Variants in TRIO observed in about 807,000 individuals in gnomAD.
TRIO encodes trio Rho guanine nucleotide exchange factor, also known as triple functional domain protein.
A neutral mutation model predicts 351.9 loss-of-function variants in TRIO; 58 were observed. The observed-to-expected ratio is 0.16, with a 90% CI of 0.13 to 0.21. The LOEUF (loss-of-function observed/expected upper bound fraction) is 0.21, where lower values mean the gene tolerates loss of function less well. TRIO is among the 10% of genes least tolerant of loss of function. The pLI is 1.00. For synonymous variants in TRIO, 1,758 were observed against 1,595.7 expected (o/e 1.10, Z -2.42); for missense variants, 3,201 against 4,027.8 (o/e 0.79, Z 5.56).
rs549806448 is a variant in TRIO at position 14,219,026 on chromosome 5, A to T, written c.158-51799A>T. On this transcript the variant is annotated intron_variant, in intron 1 of 56. Transcript: ENST00000344204. The stretch of plus-strand genomic sequence containing the variant: ...GCCTCGGTTTCTGATGCTGTCAGAG[A>T]CTTGGTCAAGGTGAAATCTGGTAGC... Among the ~76,000 whole-genome samples, 8 of 152,268 alleles carry T rather than the reference A, an allele frequency of 5.3e-5. No homozygotes were observed. The East Asian group carries it at 1.5e-3, about 29-fold the overall frequency.
intron 1 of TRIO, among the ~76,000 whole-genome samples, chr5:14,217,109 G>A (rs1792274005): frequency 6.6e-6 from 1 of 152,196 alleles, no homozygotes; most frequent in Non-Finnish European, 1.5e-5. Context: ...CGAGTTCTCT[G>A]ATCACCGGTC....
At position 14,290,847 on chromosome 5, in the gene TRIO, T is replaced by A; in HGVS notation, c.672T>A (p.Ile224=). Residue 224 remains isoleucine (I), a synonymous_variant, in exon 5 of 57, where the codon ATT becomes ATA. Coordinates refer to ENST00000344204, the MANE Select transcript of TRIO (RefSeq NM_007118.4). The part of the protein sequence containing the change: ...IEIRVAFEDY[I]SNATHMLSRL... ...TCAGAGTTGCTTTTGAAGACTACAT[T>A]AGCAATGCCACCCACATGCTGTCTC... 6.2e-7 allele frequency: 1 copy of A among 1,614,126 alleles called. No homozygotes were observed. The highest frequency in any genetic ancestry group is 8.5e-7 in the Non-Finnish European group (1 of 1,180,014).
At chr5:14,493,491 A>G (rs543375094) in intron 49 of TRIO, among the ~76,000 whole-genome samples, 16 of 152,306 alleles carry the variant, frequency 1.1e-4, no homozygotes, top group Admixed American at 2.0e-4. Context: ...TACCATTATA[A>G]TTGTTTTGAG....
intron 21 of TRIO, among the ~76,000 whole-genome samples, chr5:14,384,785 A>G (rs1746394153): frequency 6.6e-6 from 1 of 152,204 alleles, no homozygotes; most frequent in African/African-American, 2.4e-5. Flanking sequence ...CTACACAAAA[A>G]AATGTAAAAC....
At chr5:14,210,526 G>C (rs1791820524) in intron 1 of TRIO, among the ~76,000 whole-genome samples, 1 of 152,160 alleles carries the variant, frequency 6.6e-6, no homozygotes, top group African/African-American at 2.4e-5. Context: ...CAGATCTGTG[G>C]AGCAGTTGAG....
rs114930777 is a variant in TRIO at position 14,239,984 on chromosome 5, T to A, written c.158-30841T>A. On this transcript the variant is annotated intron_variant, in intron 1 of 56. Transcript: ENST00000344204. ...ATATAATTTAGAAGTTGTTTCAGGG[T>A]ACCCTGGTTTTCTCATGTAGATCAT... Among the ~76,000 whole-genome samples, 1,394 of 152,340 alleles carry A rather than the reference T, an allele frequency of 9.2e-3. 13 individuals are homozygous for A. The highest frequency in any genetic ancestry group is 0.032 in the African/African-American group (1,310 of 41,578).
chr5:14,159,016 T>A (rs1788272220), intron 1 of TRIO, among the ~76,000 whole-genome samples: 1 of 152,216 alleles, frequency 6.6e-6, no homozygotes, highest in Non-Finnish European at 1.5e-5. Context: ...AGAGGTTTTT[T>A]AACTTGCCCC....
intron 1 of TRIO, among the ~76,000 whole-genome samples, chr5:14,206,061 T>C (rs1047681253): frequency 6.6e-6 from 1 of 151,700 alleles, no homozygotes; most frequent in Admixed American, 6.6e-5. Context: ...AAATGTACTT[T>C]TTATTTATTT....
rs532922656 is a variant in TRIO at position 14,312,948 on chromosome 5, T to A, written c.1501-3565T>A. 1.1e-3 allele frequency among the ~76,000 whole-genome samples: 169 copies of A among 152,364 alleles called. 1 individual carries two copies. Among genetic ancestry groups the A allele is most frequent in the Non-Finnish European group, 1.8e-3 (122 of 68,044 alleles). On this transcript the variant is annotated intron_variant, in intron 8 of 56. Transcript: ENST00000344204. Reference sequence around the variant, plus strand: ...TGTAATTACAAAGACTAAGACATTTTGCCAAAAGTGAAAACTATATATGCC... The same window carrying A: ...TGTAATTACAAAGACTAAGACATTTAGCCAAAAGTGAAAACTATATATGCC...
chr5:14,459,602 T>G (rs546611069), intron 34 of TRIO, among the ~76,000 whole-genome samples: 9 of 152,270 alleles, frequency 5.9e-5, no homozygotes, highest in Admixed American at 2.0e-4. Flanking sequence ...TAGCTGGGTA[T>G]GGTGGCAGTC....
At chr5:14,326,728 A>G (rs987695523) in intron 9 of TRIO, among the ~76,000 whole-genome samples, 3 of 152,244 alleles carry the variant, frequency 2.0e-5, no homozygotes, top group Admixed American at 1.3e-4. Context: ...TGGACTGGAT[A>G]GATAAAGGCC....
intron 12 of TRIO, among the ~76,000 whole-genome samples, chr5:14,358,846 A>G (rs1743871521): frequency 1.3e-5 from 2 of 152,098 alleles, no homozygotes; most frequent in South Asian, 4.1e-4. Flanking sequence ...AATTTTTTTT[A>G]TTGGGTCAGG....
chr5:14,281,876 A>G (rs1448128505), intron 3 of TRIO, among the ~76,000 whole-genome samples: 3 of 152,254 alleles, frequency 2.0e-5, no homozygotes, highest in Non-Finnish European at 4.4e-5. Flanking sequence ...TGGTAACAGC[A>G]TAATGGGTTT....
chr5:14,199,764 A>G (rs956881350), intron 1 of TRIO, among the ~76,000 whole-genome samples: 6 of 152,152 alleles, frequency 3.9e-5, no homozygotes, highest in South Asian at 2.1e-4. Flanking sequence ...AAGCAAGCCT[A>G]ATTTCCAGGT....
chr5:14,363,776 A>G lies in TRIO; in HGVS notation c.2436A>G (p.Gln812=). Residue 812 remains glutamine, a synonymous_variant, in exon 14 of 57, where the codon CAA becomes CAG. Coordinates refer to ENST00000344204, the MANE Select transcript of TRIO (RefSeq NM_007118.4). ...CTTGGAATGATGAGCTTTCTCAGCA[A>G]ATGAATGACTTCGACACAGAAGATC... ...LESWNDELSQ[Q]MNDFDTEDLT... 1.2e-6 allele frequency: 2 copies of G among 1,614,208 alleles called. No individual in the cohort carries two copies. Among genetic ancestry groups the G allele is most frequent in the Non-Finnish European group, 1.7e-6 (2 of 1,180,028 alleles).
intron 1 of TRIO, among the ~76,000 whole-genome samples, chr5:14,210,857 A>G (rs352112): frequency 0.45 from 68,546 of 151,866 alleles, 17,217 homozygotes; most frequent in Non-Finnish European, 0.56. Flanking sequence ...CATATTCAAA[A>G]AGTCCATCCG....
intron 40 of TRIO, among the ~76,000 whole-genome samples, chr5:14,476,224 G>A (rs546856601): frequency 2.0e-5 from 3 of 152,296 alleles, no homozygotes; most frequent in African/African-American, 7.2e-5. Context: ...AATAAAAAAT[G>A]TCCAAGTACT....
chr5:14,307,843 C>A (rs1738512885), intron 8 of TRIO, among the ~76,000 whole-genome samples: 1 of 152,180 alleles, frequency 6.6e-6, no homozygotes, highest in African/African-American at 2.4e-5. Flanking sequence ...AGGTGGCTTT[C>A]TACCATAAGA....
intron 33 of TRIO, among the ~76,000 whole-genome samples, chr5:14,408,717 G>C (rs962402449): frequency 3.3e-5 from 5 of 152,072 alleles, no homozygotes; most frequent in Admixed American, 3.3e-4. Context: ...GTTGAATCAT[G>C]GGTGCTCAAG....
Sources: allele counts gnomAD v4.1 joint callset (sites outside exome capture counted in the v4.1 genomes callset), GRCh38; gene constraint gnomAD v4.1.1; transcripts MANE v1.5; gene names NCBI Gene and HGNC (gene_info 2026-07-23, HGNC 2026-07-21).